The following NCOR2 variants were observed in gnomAD, a reference collection of about 807,000 sequenced individuals.
NCOR2 encodes nuclear receptor corepressor 2, also known as CTG repeat protein 26.
In NCOR2, 81 loss-of-function variants were observed where a neutral mutation model predicts 262.9. The observed-to-expected ratio is 0.31, with a 90% CI of 0.26 to 0.37. NCOR2 has a LOEUF of 0.37. NCOR2 is among the 10% of genes least tolerant of loss of function. The pLI is 1.00. For synonymous variants in NCOR2, 1,659 were observed against 1,559.3 expected (o/e 1.06, Z -1.51); for missense variants, 3,385 against 3,621.4 (o/e 0.93, Z 1.68).
At chr12:124,356,384 CAT>C (rs1260339887) in intron 23 of NCOR2, among the ~76,000 whole-genome samples, 21 of 152,362 alleles carry the variant, frequency 1.4e-4, no homozygotes, top group Non-Finnish European at 2.8e-4. Context: ...CAACGGAAAA[CAT>C]AGCTCCCACT....
At chr12:124,354,278 T>A in intron 26 of NCOR2, 82 bp from the exon 29 acceptor site, 2 of 1,374,108 alleles carry the variant, frequency 1.5e-6, no homozygotes, top group Non-Finnish European at 2.0e-6. Flanking sequence ...CCACCCTGAC[T>A]GAGAGACCCA....
upstream of NCOR2, among the ~76,000 whole-genome samples, chr12:124,540,307 G>A (rs561641528): frequency 1.3e-3 from 187 of 148,760 alleles, no homozygotes; most frequent in Non-Finnish European, 2.1e-3. Flanking sequence ...TGTCCATGAG[G>A]AAGGAAAAAA....
At chr12:124,325,092 G>A (rs1392563926) in exon 47 of NCOR2, 15 of 252,550 alleles carry the variant, frequency 5.9e-5, no homozygotes, top group Non-Finnish European at 1.1e-4. Flanking sequence ...GTCCCTGGCC[G>A]CCCTGGCCGC....
At chr12:124,364,562 C>T (rs1043742455) in intron 20 of NCOR2, among the ~76,000 whole-genome samples, 4 of 152,202 alleles carry the variant, frequency 2.6e-5, no homozygotes, top group African/African-American at 9.7e-5. Flanking sequence ...GACCAGAGGC[C>T]GACACAGGGT....
At chr12:124,335,079 G>A in intron 40 of NCOR2, 56 bp downstream of exon 42, 1 of 1,611,444 alleles carries the variant, frequency 6.2e-7, no homozygotes, top group Non-Finnish European at 8.5e-7. Context: ...CCCCTCTCCA[G>A]GCCTGGTGCC....
intron 16 of NCOR2, among the ~76,000 whole-genome samples, chr12:124,391,694 C>T (rs1292219716): frequency 6.6e-6 from 1 of 152,210 alleles, no homozygotes; most frequent in Admixed American, 6.5e-5. Flanking sequence ...CAAAAATCAG[C>T]CTCGCTATCT....
Position 124,341,967 on chromosome 12 carries a change from G to A in NCOR2, c.5044C>T (p.Arg1682Trp), listed in dbSNP as rs752623980. 2.5e-6 allele frequency: 4 copies of A among 1,613,326 alleles called. No homozygotes were observed. Among genetic ancestry groups the A allele is most frequent in the South Asian group, 1.1e-5 (1 of 91,088 alleles). ...ATGTAGTCATTGATGATGGTCTGCC[G>A]GTTCTCCAGCGCCGCCGTGTCGGGG... The change falls in exon 34 of 47, where the codon CGG becomes TGG. Residue 1682 changes from arginine (R) to tryptophan (W), a missense_variant. Physicochemically the swap from Arg to Trp is moderately radical, Grantham distance 101 (BLOSUM62 -3). This residue lies in a region of NCOR2 where 1,615 missense variants were observed against 1,626.9 expected (regional missense o/e 0.99). Coordinates refer to ENST00000405201, the Ensembl canonical transcript of NCOR2.
intron 1 of NCOR2, among the ~76,000 whole-genome samples, chr12:124,547,843 T>A (rs1265463500): frequency 6.6e-6 from 1 of 152,240 alleles, no homozygotes; most frequent in Non-Finnish European, 1.5e-5. Flanking sequence ...GCATCCGTAC[T>A]TCATTCCTTT....
rs970075025 is a variant in NCOR2 at position 124,389,949 on chromosome 12, G to C, written c.1877-4062C>G. 6.6e-6 allele frequency among the ~76,000 whole-genome samples: 1 copy of C among 152,132 alleles called. No homozygotes were observed. The highest frequency in any genetic ancestry group is 1.5e-5 in the Non-Finnish European group (1 of 68,026). On this transcript the variant is annotated intron_variant, in intron 16 of 46. Transcript: ENST00000405201. The surrounding 1 kb of genome is among the most constrained non-coding windows in gnomAD (Gnocchi z 4.4). The stretch of plus-strand genomic sequence containing the variant: ...TGGATCCTAGATTCAGGTCACGACC[G>C]ACTTCCCTGACTCTGGGATCATTAA...
intron 1 of NCOR2, among the ~76,000 whole-genome samples, chr12:124,544,844 T>C (rs2051490000): frequency 1.3e-5 from 2 of 151,570 alleles, no homozygotes; most frequent in Admixed American, 6.6e-5. Flanking sequence ...GGCAGGAGAC[T>C]GCGACCCCTG....
rs983858452 is a variant in NCOR2, at chr12:124,440,941, A to T, written c.816-2945T>A. On this transcript the variant is annotated intron_variant, in intron 7 of 46. Transcript: ENST00000405201. The surrounding 1 kb of genome is among the most constrained non-coding windows in gnomAD (Gnocchi z 5.7). ...CTCTGTGTATCGGAAGCACAGACAG[A>T]GGAAGGCCCTGTGGCTGGACAGTGC... Among the ~76,000 whole-genome samples the T allele has an allele frequency of 1.3e-5, 2 of 152,110 alleles. No individual in the cohort carries two copies. The highest frequency in any genetic ancestry group is 1.3e-4 in the Admixed American group (2 of 15,268).
chr12:124,561,654 G>C (rs1278524371), intron 1 of NCOR2, among the ~76,000 whole-genome samples: 1 of 152,134 alleles, frequency 6.6e-6, no homozygotes, highest in East Asian at 1.9e-4. Flanking sequence ...CTAGGTTTGG[G>C]AAAAAGGACC....
rs552411552 is a variant in NCOR2, at chr12:124,359,605, A to G, written c.3100+2521T>C. ...TCTGGAGATCCTGCAAACGCCCTGGACCTGGCCCCTCTGGCTACCCAGCCC... is the reference window on the plus strand; with the variant it reads ...TCTGGAGATCCTGCAAACGCCCTGGGCCTGGCCCCTCTGGCTACCCAGCCC... On this transcript the variant is annotated intron_variant, in intron 22 of 46. Transcript: ENST00000405201. 6.2e-4 allele frequency among the ~76,000 whole-genome samples: 95 copies of G among 152,312 alleles called. 1 individual carries two copies. Among genetic ancestry groups the G allele is most frequent in the African/African-American group, 2.2e-3 (93 of 41,576 alleles).
chr12:124,359,529 T>G (rs1032618983), intron 22 of NCOR2, among the ~76,000 whole-genome samples: 5 of 152,224 alleles, frequency 3.3e-5, no homozygotes, highest in Non-Finnish European at 7.4e-5. Context: ...AGGGGAATTC[T>G]CATTCTTAAC....
At chr12:124,505,157 C>T (rs1010072868) in intron 1 of NCOR2, among the ~76,000 whole-genome samples, 1 of 152,222 alleles carries the variant, frequency 6.6e-6, no homozygotes, top group African/African-American at 2.4e-5. Context: ...TCCCCTCCTA[C>T]TCAGCTACCT....
chr12:124,342,382 T>G (rs2036528225), intron 33 of NCOR2, among the ~76,000 whole-genome samples: 1 of 152,198 alleles, frequency 6.6e-6, no homozygotes, highest in African/African-American at 2.4e-5. Context: ...ATTTCTTTTA[T>G]TTTTAGAGAA....
rs1441380310 is a variant in NCOR2, at chr12:124,483,814, G to A, written c.234-41C>T. The A allele has an allele frequency of 1.1e-5, 16 of 1,518,862 alleles. No homozygotes were observed. The highest frequency in any genetic ancestry group is 8.3e-5 in the African/African-American group (6 of 72,312). 94.1% of individuals were successfully genotyped at this position (1,518,862 alleles called of 1,614,324 possible). ...CATCCAACGTCACATAGGAGATTGCGGCTCTGAGAACTCCCGAGGCCCCGA... is the reference window on the plus strand; with the variant it reads ...CATCCAACGTCACATAGGAGATTGCAGCTCTGAGAACTCCCGAGGCCCCGA... On this transcript the variant is annotated intron_variant, in intron 2 of 46. Coordinates refer to ENST00000405201, the Ensembl canonical transcript of NCOR2. The surrounding 1 kb of genome is among the most constrained non-coding windows in gnomAD (Gnocchi z 6.3).
intron 10 of NCOR2, among the ~76,000 whole-genome samples, chr12:124,428,086 T>TGTGTGTGTGTGTGTGTGTGTGGGC (rs958627720): frequency 2.0e-5 from 3 of 147,054 alleles, no homozygotes; most frequent in Non-Finnish European, 4.5e-5. Flanking sequence ...TGTGTGTGTG[T>TGTGTGTGTGTGTGTGTGTGTGGGC]GTACATGCAA....
At chr12:124,470,194 C>T (rs1055354814) in intron 4 of NCOR2, among the ~76,000 whole-genome samples, 4 of 148,350 alleles carry the variant, frequency 2.7e-5, no homozygotes, top group East Asian at 2.0e-4. Flanking sequence ...AGCTGGGGGG[C>T]GGTCGGTGAG....
Sources: allele counts gnomAD v4.1 joint callset (sites outside exome capture counted in the v4.1 genomes callset), GRCh38; gene constraint gnomAD v4.1.1; regional missense constraint gnomAD v4.1.1; non-coding constraint Gnocchi (gnomAD v3.1); transcripts MANE v1.5; gene names NCBI Gene and HGNC (gene_info 2026-07-23, HGNC 2026-07-21).